The following RBFOX1 variants were observed in gnomAD, a reference collection of about 807,000 sequenced individuals.
RBFOX1 encodes the protein RNA binding protein fox-1 homolog 1.
In RBFOX1, 8 loss-of-function variants were observed where a neutral mutation model predicts 57.7. The ratio of observed to expected loss-of-function variants is 0.14; its 90% confidence interval spans 0.08 to 0.25. RBFOX1 has a LOEUF of 0.25. Ranked by LOEUF, RBFOX1 falls within the 10% of genes least tolerant of loss-of-function variation. The pLI, the probability that RBFOX1 is intolerant of heterozygous loss-of-function variation, is 1.00. For missense variants in RBFOX1, 611 were observed against 548.5 expected, an observed-to-expected ratio of 1.11 and a Z score of -1.14; for synonymous variants, 326 against 222.4, an observed-to-expected ratio of 1.47 and a Z score of -4.15.
intron 13 of RBFOX1, among the ~76,000 whole-genome samples, chr16:7,671,369 A>G (rs539579457): frequency 2.0e-5 from 3 of 152,312 alleles, no homozygotes; most frequent in Non-Finnish European, 2.9e-5. Flanking sequence ...CATTGCAGAG[A>G]TTTGCAACTA....
rs140495992 is a variant in RBFOX1 at position 5,656,637 on chromosome 16, A to G, written c.318+57676A>G. Among the ~76,000 whole-genome samples, 1,498 of 152,310 alleles carry G rather than the reference A, an allele frequency of 9.8e-3. 23 individuals are homozygous for G. Among genetic ancestry groups the G allele is most frequent in the African/African-American group, 0.034 (1,429 of 41,550 alleles). On this transcript the variant is annotated intron_variant, in intron 3 of 19. Transcript: ENST00000641259. ...TTTTAGTTTCATGTAAATTAAGAAC[A>G]CTTAACATAAGATCTGTAGCTCTTA... is the stretch of plus-strand genomic sequence containing the variant.
intron 2 of RBFOX1, among the ~76,000 whole-genome samples, chr16:6,587,330 A>G (rs993866647): frequency 2.4e-4 from 37 of 152,006 alleles, no homozygotes; most frequent in Admixed American, 3.3e-4. Context: ...CACCCAGGCT[A>G]TAGTGCCGTG....
chr16:7,112,865 A>G (rs1297159957), intron 4 of RBFOX1, among the ~76,000 whole-genome samples: 1 of 152,120 alleles, frequency 6.6e-6, no homozygotes, highest in East Asian at 1.9e-4. Flanking sequence ...GACAGCAATA[A>G]TGGGGATGAC....
At chr16:6,405,976 C>T (rs2093266165) in intron 2 of RBFOX1, among the ~76,000 whole-genome samples, 1 of 152,202 alleles carries the variant, frequency 6.6e-6, no homozygotes, top group Non-Finnish European at 1.5e-5. Context: ...TGGATGCTCA[C>T]ATACTGTGTG....
intron 1 of RBFOX1, among the ~76,000 whole-genome samples, chr16:6,187,784 A>G (rs1049808421): frequency 4.6e-5 from 7 of 152,164 alleles, no homozygotes; most frequent in Admixed American, 4.6e-4. Flanking sequence ...CTAGGATAAC[A>G]TTAACAAACG....
At chr16:7,143,721 A>G (rs1194105402) in intron 4 of RBFOX1, among the ~76,000 whole-genome samples, 1 of 152,092 alleles carries the variant, frequency 6.6e-6, no homozygotes, top group Non-Finnish European at 1.5e-5. Context: ...TCATTTGATC[A>G]TACATTCATC....
chr16:7,194,715 C>T (rs948197208), intron 4 of RBFOX1, among the ~76,000 whole-genome samples: 6 of 151,904 alleles, frequency 3.9e-5, no homozygotes, highest in African/African-American at 1.2e-4. Flanking sequence ...ATTGCCTGAG[C>T]CCTGGAGTGC....
At chr16:6,163,916 G>C (rs2096897402) in intron 1 of RBFOX1, among the ~76,000 whole-genome samples, 1 of 152,140 alleles carries the variant, frequency 6.6e-6, no homozygotes, top group South Asian at 2.1e-4. Context: ...TTCTTATTGA[G>C]TATATTTGAG....
chr16:7,324,502 C>G (rs138195230), intron 4 of RBFOX1, among the ~76,000 whole-genome samples: 185 of 152,310 alleles, frequency 1.2e-3, no homozygotes, highest in Middle Eastern at 6.8e-3. Context: ...AACAAATTCT[C>G]AAACCCAGTT....
chr16:7,270,698 G>A (rs912854025), intron 4 of RBFOX1, among the ~76,000 whole-genome samples: 1 of 152,104 alleles, frequency 6.6e-6, no homozygotes, highest in Non-Finnish European at 1.5e-5. Context: ...GGAAGCTCTG[G>A]AAACATTCAC....
intron 5 of RBFOX1, among the ~76,000 whole-genome samples, chr16:7,537,091 C>A (rs2081646342): frequency 6.6e-6 from 1 of 152,172 alleles, no homozygotes; most frequent in Non-Finnish European, 1.5e-5. Context: ...AGAATCCCAT[C>A]ATTAGGTTTG....
intron 4 of RBFOX1, among the ~76,000 whole-genome samples, chr16:7,096,049 A>G (rs2061643869): frequency 6.6e-6 from 1 of 151,954 alleles, no homozygotes; most frequent in South Asian, 2.1e-4. Flanking sequence ...AGAAAAAATA[A>G]AACATGGAGA....
chr16:7,367,253 G>A (rs1280845304), intron 4 of RBFOX1, among the ~76,000 whole-genome samples: 2 of 152,148 alleles, frequency 1.3e-5, no homozygotes, highest in Non-Finnish European at 2.9e-5. Context: ...CACAAAGTGT[G>A]CATTTGAGAG....
At chr16:6,787,993 T>TGG (rs34350414) in intron 3 of RBFOX1, among the ~76,000 whole-genome samples, 1 of 151,748 alleles carries the variant, frequency 6.6e-6, no homozygotes, top group Non-Finnish European at 1.5e-5. Context: ...GAGTCCGAGG[T>TGG]GGGGGGACCG....
At chr16:6,975,300 C>T (rs191135957) in intron 3 of RBFOX1, among the ~76,000 whole-genome samples, 38 of 151,870 alleles carry the variant, frequency 2.5e-4, no homozygotes, top group Non-Finnish European at 4.3e-4. Context: ...GGGTCTCATT[C>T]TGTCACCCAG....
intron 4 of RBFOX1, among the ~76,000 whole-genome samples, chr16:7,464,457 G>A (rs139648553): frequency 1.3e-5 from 2 of 152,046 alleles, no homozygotes; most frequent in Admixed American, 1.3e-4. Flanking sequence ...GGATCAGGAG[G>A]ATTTAGAAAG....
chr16:6,608,059 C>G (rs1454855709), intron 2 of RBFOX1, among the ~76,000 whole-genome samples: 1 of 152,156 alleles, frequency 6.6e-6, no homozygotes, highest in Non-Finnish European at 1.5e-5. Context: ...CTTCATTGTA[C>G]AGAATTTTGA....
chr16:6,994,724 T>C (rs777586271), intron 3 of RBFOX1, among the ~76,000 whole-genome samples: 2 of 152,218 alleles, frequency 1.3e-5, no homozygotes, highest in Non-Finnish European at 2.9e-5. Flanking sequence ...GAAGCTATCA[T>C]ATTCCACAGC....
intron 3 of RBFOX1, among the ~76,000 whole-genome samples, chr16:5,669,210 C>T (rs1228482955): frequency 6.6e-6 from 1 of 152,058 alleles, no homozygotes; most frequent in Non-Finnish European, 1.5e-5. Context: ...GGCATCTGTC[C>T]TACTCTGTCC....
Sources: allele counts gnomAD v4.1 joint callset (sites outside exome capture counted in the v4.1 genomes callset), GRCh38; gene constraint gnomAD v4.1.1; transcripts MANE v1.5; gene names NCBI Gene and HGNC (gene_info 2026-07-23, HGNC 2026-07-21).